The following RNASEH1 variants were observed in gnomAD, a reference collection of about 807,000 sequenced individuals.
RNASEH1 encodes ribonuclease H type II.
A neutral mutation model predicts 34.6 loss-of-function variants in RNASEH1; 27 were observed. That is an observed-to-expected ratio of 0.78 (90% CI 0.58 to 1.08). The LOEUF (loss-of-function observed/expected upper bound fraction) is 1.08. RNASEH1 is among the 50% of genes least tolerant of loss of function. RNASEH1 has a pLI of 0.00. For missense variants in RNASEH1, 349 were observed against 373.6 expected (o/e 0.93, Z 0.54); for synonymous variants, 162 against 138.4 (o/e 1.17, Z -1.20).
chr2:3,532,187 G>A, the RNASEH1 span: 21 of 691,868 alleles, frequency 3.0e-5, no homozygotes, highest in East Asian at 5.4e-5. Flanking sequence ...CCAGACCTCC[G>A]GGTGTCAGCA....
At chr2:3,557,383 C>CA in intron 1 of RNASEH1, among the ~76,000 whole-genome samples, 1 of 152,180 alleles carries the variant, frequency 6.6e-6, no homozygotes, top group Non-Finnish European at 1.5e-5. Context: ...AGCACACCAG[C>CA]ACCATAAGGC....
chr2:3,557,919 C>T, intron 1 of RNASEH1: 1 of 1,527,246 alleles, frequency 6.5e-7, no homozygotes, highest in Non-Finnish European at 8.8e-7. Context: ...TCTGATATTT[C>T]AAACAAGTCT....
the RNASEH1 span, among the ~76,000 whole-genome samples, chr2:3,535,714 G>A: frequency 2.0e-5 from 3 of 152,276 alleles, no homozygotes; most frequent in East Asian, 3.9e-4. Context: ...AGGAAGTCAC[G>A]GGAGGGTCCT....
At chr2:3,538,502 ATTT>A (rs566516823), downstream of RNASEH1, among the ~76,000 whole-genome samples, 163 of 152,108 alleles carry the variant, frequency 1.1e-3, 2 homozygotes, top group Middle Eastern at 3.4e-3. Flanking sequence ...CTGTTTGTGA[ATTT>A]TTATTTATCC....
chr2:3,550,303 G>A (rs1669168251), intron 4 of RNASEH1, 70 bp downstream of exon 4: 4 of 1,253,252 alleles, frequency 3.2e-6, no homozygotes, highest in East Asian at 2.3e-5. Flanking sequence ...CAAACAATGA[G>A]CAGATCCCGC....
chr2:3,548,727 T>C lies in RNASEH1; in HGVS notation c.565-3A>G. 6.2e-7 allele frequency: 1 copy of C among 1,609,538 alleles called. No individual in the cohort carries two copies. The highest frequency in any genetic ancestry group is 8.5e-7 in the Non-Finnish European group (1 of 1,176,196). ...TGTTCAATGGCTTTGCAGGCTGCCT[T>C]GAAAAGACAAGTCGATAGTCATGCT... is the stretch of plus-strand genomic sequence containing the variant. On this transcript the variant is annotated splice_region_variant and splice_polypyrimidine_tract_variant and intron_variant, in intron 5 of 7. Coordinates refer to ENST00000315212, the MANE Select transcript of RNASEH1 (RefSeq NM_002936.6).
chr2:3,552,181 C>G lies in RNASEH1; in HGVS notation c.372G>C (p.Pro124=). 6.2e-7 allele frequency: 1 copy of G among 1,611,708 alleles called. No individual in the cohort carries two copies. ...ACGTGTCTCTGCTAACTGGAGGCGCCGGCTCCACGCTCGGCTTCATGTGCT... is the reference window on the plus strand; with the variant it reads ...ACGTGTCTCTGCTAACTGGAGGCGCGGGCTCCACGCTCGGCTTCATGTGCT... ...YAKHMKPSVE[P]APPVSRDTFS... Residue 124 remains proline, a synonymous_variant, in exon 3 of 8, where the codon CCG becomes CCC. Coordinates refer to ENST00000315212, the MANE Select transcript of RNASEH1 (RefSeq NM_002936.6).
At chr2:3,555,392 T>G (rs1395664196) in intron 2 of RNASEH1, among the ~76,000 whole-genome samples, 1 of 152,172 alleles carries the variant, frequency 6.6e-6, no homozygotes, top group Non-Finnish European at 1.5e-5. Flanking sequence ...CGATGAGCCT[T>G]TTTCACGTGT....
chr2:3,555,365 A>C (rs1019027755), intron 2 of RNASEH1, among the ~76,000 whole-genome samples: 1 of 152,234 alleles, frequency 6.6e-6, no homozygotes, highest in African/African-American at 2.4e-5. Flanking sequence ...TGCAGTAAGC[A>C]GTAAGAACTG....
chr2:3,550,274 T>G, intron 4 of RNASEH1, 99 bp downstream of exon 4: 1 of 1,010,142 alleles, frequency 9.9e-7, no homozygotes, highest in Non-Finnish European at 1.6e-6. Flanking sequence ...GCTACTTATC[T>G]GCAGGTTTTC....
intron 6 of RNASEH1, among the ~76,000 whole-genome samples, 156 bp downstream of exon 6, chr2:3,548,484 G>A (rs1244004057): frequency 6.6e-6 from 1 of 152,206 alleles, no homozygotes; most frequent in African/African-American, 2.4e-5. Context: ...CAGAGCAGCA[G>A]AAGGGAGACT....
rs151273507 is a variant in RNASEH1, at chr2:3,542,665, T to A, written c.*3120A>T. Reference sequence around the variant, plus strand: ...AATGCTATGGTATTAGTATTTTTTTTAAATGCTAAATGCTAAAGAGGAATA... The same window carrying A: ...AATGCTATGGTATTAGTATTTTTTTAAAATGCTAAATGCTAAAGAGGAATA... On this transcript the variant is annotated 3_prime_UTR_variant, in exon 8 of 8. Transcript: ENST00000315212. Among the ~76,000 whole-genome samples, 10 of 152,286 alleles carry A rather than the reference T, an allele frequency of 6.6e-5. No homozygotes were observed. The highest frequency in any genetic ancestry group is 2.6e-4 in the Admixed American group (4 of 15,300).
the RNASEH1 span, chr2:3,533,514 T>A: frequency 6.6e-6 from 1 of 152,144 alleles, no homozygotes; most frequent in Admixed American, 6.6e-5. Context: ...AGTTCCACAG[T>A]GACAAGTTAC....
At chr2:3,554,250 G>C (rs1363068152) in intron 2 of RNASEH1, among the ~76,000 whole-genome samples, 1 of 152,172 alleles carries the variant, frequency 6.6e-6, no homozygotes, top group Non-Finnish European at 1.5e-5. Flanking sequence ...CTCTACTGAA[G>C]TAAATGCAGA....
chr2:3,550,597 T>C (rs1659770225), intron 3 of RNASEH1, 125 bp from the exon 4 acceptor site: 1 of 717,646 alleles, frequency 1.4e-6, no homozygotes, highest in South Asian at 1.5e-5. Flanking sequence ...TGCAGACGTT[T>C]TCTCTCTAGG....
intron 2 of RNASEH1, among the ~76,000 whole-genome samples, chr2:3,554,418 GTTT>G (rs1202801504): frequency 6.6e-6 from 1 of 152,148 alleles, no homozygotes; most frequent in African/African-American, 2.4e-5. Flanking sequence ...CAAAATTGTG[GTTT>G]TTAAGTAAAT....
downstream of RNASEH1, among the ~76,000 whole-genome samples, chr2:3,541,129 C>T (rs1406000658): frequency 1.3e-5 from 2 of 151,988 alleles, no homozygotes; most frequent in Admixed American, 6.6e-5. Context: ...GAGATTGAGA[C>T]CATCCTGACT....
intron 1 of RNASEH1, chr2:3,557,736 A>T (rs1017009102): frequency 3.3e-6 from 2 of 614,244 alleles, no homozygotes; most frequent in Non-Finnish European, 5.5e-6. Context: ...TGCCTTTTTT[A>T]AAAGGGAAGA....
In RNASEH1 at chr2:3,542,078, G is replaced by C. The variant is rs929936312; in HGVS notation, c.*3707C>G. The stretch of plus-strand genomic sequence containing the variant: ...AGAAAGAGATAAAAGAGATTCAAGA[G>C]ACAGTGGCAAACACTGAGAACAGCC... On this transcript the variant is annotated 3_prime_UTR_variant, in exon 8 of 8. Transcript: ENST00000315212. 6.6e-6 allele frequency among the ~76,000 whole-genome samples: 1 copy of C among 152,136 alleles called. No homozygotes were observed. Among genetic ancestry groups the C allele is most frequent in the Non-Finnish European group, 1.5e-5 (1 of 68,022 alleles).
Sources: gnomAD v4.1 joint callset for allele counts (sites outside exome capture counted in the v4.1 genomes callset) on GRCh38, gnomAD v4.1.1 for gene constraint, MANE v1.5 for transcripts, NCBI Gene and HGNC (gene_info 2026-07-23, HGNC 2026-07-21) for gene names.